The following CCDC38 variants were observed in gnomAD, a reference collection of about 807,000 sequenced individuals.
CCDC38 encodes coiled-coil domain containing 38.
CCDC38 carries 69 observed loss-of-function variants against 72.8 expected under a neutral mutation model. That is an observed-to-expected ratio of 0.95 (90% CI 0.78 to 1.16). CCDC38 has a LOEUF of 1.16. Ranked by LOEUF, CCDC38 falls within the 50% of genes most tolerant of loss-of-function variation. CCDC38 has a pLI of 0.00. For synonymous variants in CCDC38, 201 were observed against 213.2 expected (o/e 0.94, Z 0.50); for missense variants, 626 against 638.9 (o/e 0.98, Z 0.22).
chr12:95,923,058 T>G (rs1296430064), intron 2 of CCDC38, among the ~76,000 whole-genome samples: 1 of 152,030 alleles, frequency 6.6e-6, no homozygotes, highest in Non-Finnish European at 1.5e-5. Flanking sequence ...GGCTGAGGAA[T>G]TAGGAAGTAA....
chr12:95,881,388 A>G (rs1565944441), intron 11 of CCDC38, 97 bp downstream of exon 11: 4 of 893,064 alleles, frequency 4.5e-6, no homozygotes, highest in East Asian at 2.9e-5. Flanking sequence ...GGTTTGTGCA[A>G]TATTTTGAAT....
At chr12:95,919,007 T>G in intron 2 of CCDC38, 31 bp from the exon 3 acceptor site, 5 of 1,321,958 alleles carry the variant, frequency 3.8e-6, no homozygotes, top group African/African-American at 1.4e-5. Context: ...AATGAATGAA[T>G]TCTGTCATCC....
chr12:95,900,476 C>T (rs1023607514), intron 5 of CCDC38, among the ~76,000 whole-genome samples: 4 of 152,142 alleles, frequency 2.6e-5, no homozygotes, highest in Admixed American at 2.0e-4. Flanking sequence ...TAGGGGTGAT[C>T]AAAGACTTCT....
intron 2 of CCDC38, among the ~76,000 whole-genome samples, chr12:95,930,173 A>G (rs577774439): frequency 3.3e-5 from 5 of 152,248 alleles, no homozygotes; most frequent in Admixed American, 1.3e-4. Flanking sequence ...CAAATTTCCT[A>G]TATTATAAAC....
intron 2 of CCDC38, chr12:95,933,944 G>A (rs2080363926): frequency 1.3e-5 from 2 of 152,162 alleles, no homozygotes; most frequent in Non-Finnish European, 2.9e-5. Context: ...TTGGGACACT[G>A]AAGTGGATCG....
At position 95,903,615 on chromosome 12, in the gene CCDC38, G is replaced by A. The variant is rs1419670510; in HGVS notation, c.369+2772C>T. On this transcript the variant is annotated intron_variant, in intron 5 of 15. Coordinates refer to ENST00000344280, the MANE Select transcript of CCDC38 (RefSeq NM_182496.3). The stretch of plus-strand genomic sequence containing the variant: ...CCATCAAGAATGAATTTTGGATATT[G>A]TTGAGTGGTTTTTCTGCATCAATTG... 4 of 552,574 alleles carry A rather than the reference G, an allele frequency of 7.2e-6. No homozygotes were observed. The Admixed American group carries it at 1.3e-4, about 17-fold the overall frequency. The allele number at this position is 552,574 out of a possible 1,614,324, so 34.2% of individuals were successfully genotyped here.
At chr12:95,869,806 C>G (rs2079560835) in intron 14 of CCDC38, 1 of 433,484 alleles carries the variant, frequency 2.3e-6, no homozygotes. Flanking sequence ...ATAAAATATA[C>G]CCAGATCTTG....
At chr12:95,881,103 A>G (rs900739998) in intron 11 of CCDC38, among the ~76,000 whole-genome samples, 7 of 152,150 alleles carry the variant, frequency 4.6e-5, no homozygotes, top group South Asian at 2.1e-4. Context: ...CTCAAAGTCA[A>G]TCTTGCAGCA....
intron 5 of CCDC38, among the ~76,000 whole-genome samples, chr12:95,900,679 C>T (rs183375665): frequency 1.3e-5 from 2 of 152,244 alleles, no homozygotes; most frequent in East Asian, 3.9e-4. Flanking sequence ...AGTATTTGTA[C>T]TGGCAAAAAT....
At chr12:95,918,105 A>G (rs995490395) in intron 3 of CCDC38, among the ~76,000 whole-genome samples, 14 of 152,214 alleles carry the variant, frequency 9.2e-5, no homozygotes, top group Non-Finnish European at 1.0e-4. Flanking sequence ...TAGGGTAGAC[A>G]AAGTCCTGTA....
At chr12:95,873,865 A>G (rs1238041377) in intron 13 of CCDC38, among the ~76,000 whole-genome samples, 1 of 152,208 alleles carries the variant, frequency 6.6e-6, no homozygotes, top group African/African-American at 2.4e-5. Flanking sequence ...TCCACCTCCT[A>G]GCTTAAAAAG....
chr12:95,937,213 G>A (rs1054641753), intron 1 of CCDC38, among the ~76,000 whole-genome samples: 2 of 152,132 alleles, frequency 1.3e-5, no homozygotes, highest in Non-Finnish European at 2.9e-5. Flanking sequence ...GACAGTCTCT[G>A]ACCCTGTACT....
chr12:95,890,475 C>T (rs929229632), intron 9 of CCDC38, among the ~76,000 whole-genome samples: 3 of 152,240 alleles, frequency 2.0e-5, no homozygotes, highest in South Asian at 2.1e-4. Context: ...TCAGTCACCT[C>T]GTTGCAAATG....
chr12:95,891,829 G>A (rs1467856475), intron 8 of CCDC38, among the ~76,000 whole-genome samples: 1 of 152,142 alleles, frequency 6.6e-6, no homozygotes, highest in East Asian at 1.9e-4. Flanking sequence ...GAACTCAGCA[G>A]GGAAACCATT....
rs142050445 is a variant in CCDC38 at position 95,872,262 on chromosome 12, G to A, written c.1477C>T (p.Arg493Trp). ...AIERMKQKEW[R>W]QKFRDEKMKE... ...TATCCTTATTGACTGTACTTTTGCC[G>A]CCATTCTTTCTGTTTCATCCTCTCA... The change falls in exon 14 of 16, where the codon CGG (arginine) becomes TGG (tryptophan). Residue 493 changes from arginine (R) to tryptophan (W), a missense_variant. Physicochemically the swap from Arg to Trp is moderately radical, Grantham distance 101. Coordinates refer to ENST00000344280, the MANE Select transcript of CCDC38 (RefSeq NM_182496.3). The A allele has an allele frequency of 7.6e-5, 123 of 1,613,844 alleles. No individual in the cohort carries two copies. In the South Asian group the frequency reaches 7.8e-4, roughly 10 times the overall value.
intron 7 of CCDC38, among the ~76,000 whole-genome samples, chr12:95,897,788 GT>G (rs1293832193): frequency 1.3e-5 from 2 of 151,862 alleles, no homozygotes; most frequent in African/African-American, 4.8e-5. Flanking sequence ...TAAAGATGGG[GT>G]CCCACTGTGT....
chr12:95,912,840 G>T (rs1374967905), intron 4 of CCDC38, among the ~76,000 whole-genome samples: 2 of 151,994 alleles, frequency 1.3e-5, no homozygotes, highest in Non-Finnish European at 2.9e-5. Flanking sequence ...TAGGTGGATC[G>T]CTTCAGCTCA....
rs1253338009 is a variant in CCDC38 at position 95,917,152 on chromosome 12, G to A, written c.281C>T (p.Ala94Val). 1 of 1,593,386 alleles carries A rather than the reference G, an allele frequency of 6.3e-7. No homozygotes were observed. The highest frequency in any genetic ancestry group is 1.2e-5 in the South Asian group (1 of 86,218). Residue 94 changes from alanine (A) to valine (V), a missense_variant, in exon 4 of 16, where the codon GCT (alanine) becomes GTT (valine). By Grantham distance (64) the Ala-to-Val change is moderately conservative. Coordinates refer to ENST00000344280, the MANE Select transcript of CCDC38 (RefSeq NM_182496.3). ...RSFEKFGPGP[A>V]PIPRLIEGSD... ...ACCTTCTATTAATCTAGGAATCGGA[G>A]CAGGACCTGGCCCAAACTTTTCAAA...
Position 95,879,942 on chromosome 12 carries a change from T to C in CCDC38, c.991-147A>G. 1.9e-6 allele frequency: 1 copy of C among 518,498 alleles called. No homozygotes were observed. Among genetic ancestry groups the C allele is most frequent in the Non-Finnish European group, 3.3e-6 (1 of 298,762 alleles). The allele number at this position is 518,498 out of a possible 1,614,324, so 32.1% of individuals were successfully genotyped here. A position where few individuals can be genotyped will look rare whatever the true frequency, so the allele number is the denominator to read the frequency against. On this transcript the variant is annotated intron_variant, in intron 11 of 15. Coordinates refer to ENST00000344280, the MANE Select transcript of CCDC38 (RefSeq NM_182496.3). The surrounding 1 kb of genome is among the most constrained non-coding windows in gnomAD (Gnocchi z 5.5). ...TAGGAACTTGTATGGGAAACTCGCC[T>C]ATTTCCAAGTGAGAGCTGGCTTTCA...
Sources: gnomAD v4.1 joint callset for allele counts (sites outside exome capture counted in the v4.1 genomes callset) on GRCh38, gnomAD v4.1.1 for gene constraint, Gnocchi (gnomAD v3.1) non-coding constraint, MANE v1.5 for transcripts, NCBI Gene and HGNC (gene_info 2026-07-23, HGNC 2026-07-21) for gene names.